FAM107B: variants seen among roughly 807,000 people sequenced by gnomAD.
FAM107B encodes the protein family with sequence similarity 107 member B.
A neutral mutation model predicts 31.5 loss-of-function variants in FAM107B; 21 were observed. That is an observed-to-expected ratio of 0.67 (90% CI 0.47 to 0.96). The LOEUF (loss-of-function observed/expected upper bound fraction) is 0.96. FAM107B is among the 40% of genes least tolerant of loss of function. The pLI, the probability that FAM107B is intolerant of heterozygous loss-of-function variation, is 0.00. For synonymous variants in FAM107B, 157 were observed against 141.5 expected (o/e 1.11, Z -0.78); for missense variants, 452 against 377.1 (o/e 1.20, Z -1.64).
At chr10:14,764,272 T>C (rs1407182341) in intron 1 of FAM107B, among the ~76,000 whole-genome samples, 9 of 152,250 alleles carry the variant, frequency 5.9e-5, no homozygotes, top group Non-Finnish European at 1.2e-4. Context: ...CTACCCTTTT[T>C]TGTTGAGATT....
intron 2 of FAM107B, among the ~76,000 whole-genome samples, chr10:14,547,186 G>A (rs1295229147): frequency 6.6e-6 from 1 of 152,198 alleles, no homozygotes. Context: ...GCCAACTTCT[G>A]TATAACTACA....
rs142185134 is a variant in FAM107B, at chr10:14,671,758, A to G, written c.412-4067T>C. Among the ~76,000 whole-genome samples the G allele has an allele frequency of 3.1e-3, 474 of 152,104 alleles. 8 individuals carry two copies. The East Asian group carries it at 0.052, about 17-fold the overall frequency. Reference sequence around the variant, plus strand: ...ACACAAAGGAAGGCAGAGCCAAGAGATGCTCCAATGCTTTCTTCTGTTGAT... The same window carrying G: ...ACACAAAGGAAGGCAGAGCCAAGAGGTGCTCCAATGCTTTCTTCTGTTGAT... On this transcript the variant is annotated intron_variant, in intron 1 of 4. Coordinates refer to ENST00000181796, the MANE Select transcript of FAM107B (RefSeq NM_031453.4).
chr10:14,696,913 G>A (rs771530736), intron 1 of FAM107B, among the ~76,000 whole-genome samples: 3 of 152,132 alleles, frequency 2.0e-5, no homozygotes, highest in Non-Finnish European at 4.4e-5. Context: ...TCTGAAAAGT[G>A]TCAAAGGTCT....
At chr10:14,598,521 G>A (rs766132342) in intron 2 of FAM107B, among the ~76,000 whole-genome samples, 15 of 152,138 alleles carry the variant, frequency 9.9e-5, no homozygotes, top group Non-Finnish European at 1.6e-4. Context: ...CTTGAAGAGT[G>A]GAATGGTGGT....
chr10:14,606,711 C>T (rs966332780), intron 2 of FAM107B, among the ~76,000 whole-genome samples: 1 of 152,118 alleles, frequency 6.6e-6, no homozygotes, highest in Non-Finnish European at 1.5e-5. Context: ...CTCCCTCCTT[C>T]CCCTCTGTCC....
intron 2 of FAM107B, among the ~76,000 whole-genome samples, chr10:14,534,621 C>G (rs989096990): frequency 6.6e-6 from 1 of 152,200 alleles, no homozygotes; most frequent in African/African-American, 2.4e-5. Context: ...CCTCCGAAGG[C>G]GTGCTGAGGC....
chr10:14,749,569 C>T (rs913709809), intron 1 of FAM107B, among the ~76,000 whole-genome samples: 4 of 152,202 alleles, frequency 2.6e-5, no homozygotes, highest in African/African-American at 7.2e-5. Context: ...AATAATGTAA[C>T]AGCCTTACTA....
chr10:14,718,017 G>T (rs1391284543), intron 1 of FAM107B, among the ~76,000 whole-genome samples: 2 of 152,012 alleles, frequency 1.3e-5, no homozygotes, highest in Non-Finnish European at 2.9e-5. Context: ...GGTTCCTGGG[G>T]GTCCAGGAGA....
intron 2 of FAM107B, among the ~76,000 whole-genome samples, chr10:14,591,847 T>C (rs4750536): frequency 0.92 from 139,322 of 152,096 alleles, 65,024 homozygotes; most frequent in East Asian, 1. Context: ...CAGGGACTAG[T>C]GGGATGAGTT....
intron 2 of FAM107B, among the ~76,000 whole-genome samples, chr10:14,559,697 G>C (rs1230804977): frequency 6.6e-6 from 1 of 150,860 alleles, no homozygotes; most frequent in Non-Finnish European, 1.5e-5. Flanking sequence ...AGCCTTCTCC[G>C]AGTAGCTGGG....
chr10:14,542,091 C>T (rs985580787), intron 2 of FAM107B, among the ~76,000 whole-genome samples: 2 of 151,774 alleles, frequency 1.3e-5, no homozygotes, highest in African/African-American at 2.4e-5. Context: ...CCCATCTCTA[C>T]TTAAAAAAAT....
chr10:14,703,397 T>A (rs1855448543), intron 1 of FAM107B, among the ~76,000 whole-genome samples: 1 of 151,470 alleles, frequency 6.6e-6, no homozygotes. Flanking sequence ...GGCATGATCT[T>A]GTGATCCCGG....
chr10:14,737,917 G>C (rs1271582613), intron 1 of FAM107B, among the ~76,000 whole-genome samples: 1 of 151,924 alleles, frequency 6.6e-6, no homozygotes, highest in Non-Finnish European at 1.5e-5. Context: ...ACAATGTGCT[G>C]AAAATCTTGG....
At chr10:14,582,274 C>T (rs1476633540) in intron 2 of FAM107B, among the ~76,000 whole-genome samples, 1 of 152,152 alleles carries the variant, frequency 6.6e-6, no homozygotes, top group South Asian at 2.1e-4. Context: ...TGTGACCACA[C>T]CTCTGGGAGA....
chr10:14,736,505 C>T (rs1856303920), intron 1 of FAM107B, among the ~76,000 whole-genome samples: 1 of 152,130 alleles, frequency 6.6e-6, no homozygotes, highest in African/African-American at 2.4e-5. Context: ...ACTCTTCAGC[C>T]TATTGCACTA....
intron 1 of FAM107B, among the ~76,000 whole-genome samples, chr10:14,719,753 A>G (rs891068441): frequency 1.4e-5 from 2 of 146,504 alleles, no homozygotes; most frequent in African/African-American, 4.9e-5. Context: ...TCCTCCTGCC[A>G]GGTGGCCTTG....
At chr10:14,575,449 C>T (rs1249607950) in intron 2 of FAM107B, among the ~76,000 whole-genome samples, 2 of 152,082 alleles carry the variant, frequency 1.3e-5, no homozygotes, top group African/African-American at 2.4e-5. Flanking sequence ...GAGATCTGCC[C>T]GCCTCAACCT....
At chr10:14,524,134 C>G (rs372842005) in intron 3 of FAM107B, among the ~76,000 whole-genome samples, 4 of 151,734 alleles carry the variant, frequency 2.6e-5, no homozygotes, top group Admixed American at 2.6e-4. Flanking sequence ...TTCCTCCTCC[C>G]AGGTTCAAGC....
intron 1 of FAM107B, among the ~76,000 whole-genome samples, chr10:14,718,410 G>C (rs2131546427): frequency 6.9e-6 from 1 of 144,002 alleles, no homozygotes; most frequent in South Asian, 2.2e-4. Flanking sequence ...AAGAAAGAAA[G>C]AGGAAAGAAA....
Sources: gnomAD v4.1 joint callset for allele counts (sites outside exome capture counted in the v4.1 genomes callset) on GRCh38, gnomAD v4.1.1 for gene constraint, MANE v1.5 for transcripts, NCBI Gene and HGNC (gene_info 2026-07-23, HGNC 2026-07-21) for gene names.